SPMIP2: variants seen among roughly 807,000 people sequenced by gnomAD.
The protein encoded by SPMIP2 is protein SPMIP2.
chr4:158,979,558 G>A, the SPMIP2 span, among the ~76,000 whole-genome samples: 1 of 152,148 alleles, frequency 6.6e-6, no homozygotes, highest in East Asian at 1.9e-4. Context: ...TAGATAGTGG[G>A]TGCATCCCAC....
chr4:159,067,224 T>C, the SPMIP2 span, among the ~76,000 whole-genome samples: 11 of 119,584 alleles, frequency 9.2e-5, no homozygotes, highest in African/African-American at 2.8e-4. Flanking sequence ...TGAGAATCTA[T>C]TTAAAAAAAA....
the SPMIP2 span, among the ~76,000 whole-genome samples, chr4:158,981,583 A>C: frequency 6.6e-6 from 1 of 152,218 alleles, no homozygotes; most frequent in South Asian, 2.1e-4. Context: ...TTTTCAACCC[A>C]GAATTTCATA....
At chr4:158,904,736 C>A in the SPMIP2 span, 1 of 572,852 alleles carries the variant, frequency 1.7e-6, no homozygotes, top group Admixed American at 3.0e-5. Flanking sequence ...GACATAATAG[C>A]ATTTGTGATT....
At chr4:158,977,526 G>T in the SPMIP2 span, among the ~76,000 whole-genome samples, 11 of 142,940 alleles carry the variant, frequency 7.7e-5, no homozygotes, top group Non-Finnish European at 1.7e-4. Flanking sequence ...CTACTGTGTT[G>T]ATATTTTCAA....
At chr4:158,999,310 G>A in the SPMIP2 span, among the ~76,000 whole-genome samples, 3 of 152,276 alleles carry the variant, frequency 2.0e-5, no homozygotes, top group South Asian at 6.2e-4. Flanking sequence ...CAAGTTAAAT[G>A]TAATTTATGA....
At chr4:158,968,918 TA>T in the SPMIP2 span, among the ~76,000 whole-genome samples, 1 of 152,238 alleles carries the variant, frequency 6.6e-6, no homozygotes, top group Non-Finnish European at 1.5e-5. Context: ...TTGTGACAGT[TA>T]AAAATGAGGC....
chr4:158,910,743 A>AG, the SPMIP2 span, among the ~76,000 whole-genome samples: 1 of 152,236 alleles, frequency 6.6e-6, no homozygotes, highest in African/African-American at 2.4e-5. Flanking sequence ...AACTGCCTTC[A>AG]GGCTGGAGCT....
the SPMIP2 span, among the ~76,000 whole-genome samples, chr4:159,020,705 G>A: frequency 5.3e-5 from 8 of 152,164 alleles, no homozygotes; most frequent in Non-Finnish European, 8.8e-5. Context: ...CCAAATGTAT[G>A]CTTCAACTTC....
At chr4:159,000,644 C>T in the SPMIP2 span, among the ~76,000 whole-genome samples, 17 of 152,108 alleles carry the variant, frequency 1.1e-4, no homozygotes, top group African/African-American at 3.9e-4. Context: ...CAGGCACACG[C>T]CACCACGCCC....
the SPMIP2 span, among the ~76,000 whole-genome samples, chr4:158,921,572 T>C: frequency 6.6e-6 from 1 of 152,212 alleles, no homozygotes; most frequent in African/African-American, 2.4e-5. Flanking sequence ...TCTTCTGTCA[T>C]TATTGTAAGT....
chr4:159,048,201 A>G, the SPMIP2 span, among the ~76,000 whole-genome samples: 3 of 152,178 alleles, frequency 2.0e-5, no homozygotes, highest in African/African-American at 7.2e-5. Flanking sequence ...TCAGAAGGAC[A>G]TAATTGACCG....
the SPMIP2 span, among the ~76,000 whole-genome samples, chr4:158,977,675 C>A: frequency 7.0e-6 from 1 of 142,200 alleles, no homozygotes. Context: ...AGAGCAGTGG[C>A]ACAATCTCGG....
At chr4:159,032,595 C>T in the SPMIP2 span, among the ~76,000 whole-genome samples, 1 of 152,086 alleles carries the variant, frequency 6.6e-6, no homozygotes, top group Non-Finnish European at 1.5e-5. Context: ...AAGACTCTTG[C>T]ACAGTTCCAA....
the SPMIP2 span, among the ~76,000 whole-genome samples, chr4:159,019,322 A>G: frequency 1.3e-4 from 20 of 148,754 alleles, no homozygotes; most frequent in African/African-American, 4.5e-4. Context: ...AAAGCAAACC[A>G]TAGCTGGATA....
the SPMIP2 span, among the ~76,000 whole-genome samples, chr4:158,966,543 G>A: frequency 1.3e-5 from 2 of 151,906 alleles, no homozygotes; most frequent in Non-Finnish European, 2.9e-5. Flanking sequence ...CCTATTCTAA[G>A]TTATAGCATC....
At chr4:158,966,481 A>G in the SPMIP2 span, among the ~76,000 whole-genome samples, 2 of 152,226 alleles carry the variant, frequency 1.3e-5, no homozygotes, top group South Asian at 2.1e-4. Flanking sequence ...TTCTTTGACA[A>G]TATACTTAAC....
At chr4:159,029,307 G>A in the SPMIP2 span, among the ~76,000 whole-genome samples, 1 of 152,110 alleles carries the variant, frequency 6.6e-6, no homozygotes, top group Non-Finnish European at 1.5e-5. Context: ...AGGATTGACT[G>A]GGAAAGGACA....
chr4:159,051,923 C>T, the SPMIP2 span, among the ~76,000 whole-genome samples: 1 of 152,134 alleles, frequency 6.6e-6, no homozygotes, highest in South Asian at 2.1e-4. Flanking sequence ...TCCTCTCCTT[C>T]ACAGGCATCT....
chr4:159,079,146 A>G, the SPMIP2 span, among the ~76,000 whole-genome samples: 727 of 152,078 alleles, frequency 4.8e-3, 4 homozygotes, highest in African/African-American at 0.017. Context: ...AATAATAATA[A>G]TAACTGGAAA....
Sources: allele counts gnomAD v4.1 joint callset (sites outside exome capture counted in the v4.1 genomes callset), GRCh38; gene constraint gnomAD v4.1.1; transcripts MANE v1.5; gene names NCBI Gene and HGNC (gene_info 2026-07-23, HGNC 2026-07-21).